C10orf90: variants seen among roughly 807,000 people sequenced by gnomAD.
C10orf90 encodes the protein chromosome 10 open reading frame 90.
Under a neutral mutation model 62.5 loss-of-function variants are expected in C10orf90, and 56 were observed. The observed-to-expected ratio is 0.90, with a 90% CI of 0.72 to 1.12. The LOEUF is 1.12. Ranked by LOEUF, C10orf90 falls within the 50% of genes most tolerant of loss-of-function variation. The probability of loss-of-function intolerance (pLI) is 0.00; values close to 1 mark genes in which losing one functional copy is unlikely to be tolerated. For missense variants in C10orf90, 970 were observed against 880.4 expected (o/e 1.10, Z -1.29); for synonymous variants, 386 against 340.4 (o/e 1.13, Z -1.47).
intron 7 of C10orf90, among the ~76,000 whole-genome samples, chr10:126,455,809 C>G (rs1177066288): frequency 6.6e-6 from 1 of 152,194 alleles, no homozygotes; most frequent in Non-Finnish European, 1.5e-5. Context: ...TAACACTCAC[C>G]CACATGCAGC....
At chr10:126,591,084 C>T (rs548051028) in intron 2 of C10orf90, among the ~76,000 whole-genome samples, 31 of 152,206 alleles carry the variant, frequency 2.0e-4, no homozygotes, top group Admixed American at 4.6e-4. Flanking sequence ...AGCCCAGGAC[C>T]AGATGGATTT....
At chr10:126,455,246 C>T (rs1229199930) in intron 7 of C10orf90, among the ~76,000 whole-genome samples, 1 of 152,188 alleles carries the variant, frequency 6.6e-6, no homozygotes, top group Non-Finnish European at 1.5e-5. Flanking sequence ...CCCGCCCATC[C>T]CCATTTTACC....
intron 2 of C10orf90, among the ~76,000 whole-genome samples, chr10:126,594,758 AG>A (rs1564885857): frequency 6.6e-6 from 1 of 150,814 alleles, no homozygotes; most frequent in Non-Finnish European, 1.5e-5. Context: ...GGGATCAGCC[AG>A]GGCAGAGGTC....
rs774322346 is a variant in C10orf90, at chr10:126,458,990, A to AC, written c.2188+49dup. ...CTGAGTGAAGCCTCCAGCTCCAGGA[A>AC]CCCCCCATCCCTGGTCTTTTCCAGT... On this transcript the variant is annotated intron_variant, in intron 7 of 9. Coordinates refer to ENST00000488181, the MANE Select transcript of C10orf90 (RefSeq NM_001350921.2). The AC allele has an allele frequency of 1.9e-5, 30 of 1,564,336 alleles. No individual in the cohort carries two copies. In the East Asian group the frequency reaches 6.1e-4, roughly 32 times the overall value.
intron 7 of C10orf90, among the ~76,000 whole-genome samples, chr10:126,438,450 C>A (rs1858066503): frequency 1.3e-5 from 2 of 152,044 alleles, no homozygotes; most frequent in Admixed American, 1.3e-4. Flanking sequence ...CAGGATTAAA[C>A]AAATTTAAGG....
chr10:126,504,064 T>C lies in C10orf90; in HGVS notation c.1427A>G (p.Asn476Ser). The change falls in exon 4 of 10, where the codon AAC becomes AGC. Residue 476 changes from asparagine (N) to serine (S), a missense_variant. Physicochemically the swap from Asn to Ser is conservative, Grantham distance 46. Coordinates refer to ENST00000488181, the MANE Select transcript of C10orf90 (RefSeq NM_001350921.2). The surrounding 1 kb of genome is among the most constrained non-coding windows in gnomAD (Gnocchi z 4.1). ...ENTELANVGANQVTVRKGEKD... is the reference protein window; with the variant it reads ...ENTELANVGASQVTVRKGEKD... ...TTCCCCTTTTCTTACAGTGACTTGGTTAGCTCCCACATTTGCCAATTCTGT... is the reference window on the plus strand; with the variant it reads ...TTCCCCTTTTCTTACAGTGACTTGGCTAGCTCCCACATTTGCCAATTCTGT... 1.9e-6 allele frequency: 3 copies of C among 1,614,146 alleles called. No homozygotes were observed. The South Asian group carries it at 3.3e-5, about 18-fold the overall frequency.
intron 2 of C10orf90, among the ~76,000 whole-genome samples, chr10:126,580,556 G>A (rs1418083340): frequency 8.6e-5 from 13 of 151,986 alleles, no homozygotes; most frequent in African/African-American, 3.1e-4. Flanking sequence ...GGGAGGCTGA[G>A]GCAGGAGAAT....
intron 2 of C10orf90, among the ~76,000 whole-genome samples, chr10:126,571,514 A>G (rs1438163804): frequency 1.3e-5 from 2 of 152,186 alleles, no homozygotes; most frequent in Non-Finnish European, 2.9e-5. Context: ...TGCACCCTGG[A>G]AGGATGCAGA....
At chr10:126,451,184 A>C (rs528602164) in intron 7 of C10orf90, among the ~76,000 whole-genome samples, 1 of 152,234 alleles carries the variant, frequency 6.6e-6, no homozygotes, top group Non-Finnish European at 1.5e-5. Flanking sequence ...AAGACAAACT[A>C]TAACAAGTGT....
At chr10:126,534,072 C>T (rs1021408066) in intron 2 of C10orf90, among the ~76,000 whole-genome samples, 2 of 152,336 alleles carry the variant, frequency 1.3e-5, no homozygotes, top group Admixed American at 6.5e-5. Flanking sequence ...AAGGAGGAAT[C>T]TGCTCTTCCC....
At chr10:126,494,627 G>T (rs1861943193) in intron 4 of C10orf90, among the ~76,000 whole-genome samples, 1 of 152,206 alleles carries the variant, frequency 6.6e-6, no homozygotes, top group African/African-American at 2.4e-5. Flanking sequence ...GCATAGTTCT[G>T]CAAGAGACCG....
At chr10:126,521,049 C>G (rs560330080) in intron 2 of C10orf90, among the ~76,000 whole-genome samples, 30 of 152,320 alleles carry the variant, frequency 2.0e-4, no homozygotes, top group Non-Finnish European at 3.8e-4. Context: ...TTTTTCAGAA[C>G]ACTATTCAGC....
At chr10:126,464,364 C>T (rs1019512715) in intron 5 of C10orf90, among the ~76,000 whole-genome samples, 2 of 152,190 alleles carry the variant, frequency 1.3e-5, no homozygotes, top group African/African-American at 4.8e-5. Flanking sequence ...CTGCTGCCTT[C>T]AGAGCAGCCA....
intron 1 of C10orf90, among the ~76,000 whole-genome samples, chr10:126,667,618 A>C (rs1434341204): frequency 6.6e-6 from 1 of 152,132 alleles, no homozygotes; most frequent in Non-Finnish European, 1.5e-5. Flanking sequence ...TTACATTCAC[A>C]CCATAGGAGA....
At chr10:126,585,549 G>A (rs1056230883) in intron 2 of C10orf90, among the ~76,000 whole-genome samples, 1 of 134,062 alleles carries the variant, frequency 7.5e-6, no homozygotes, top group Non-Finnish European at 1.6e-5. Flanking sequence ...GAGGGAGAAA[G>A]GGTGGGAGAG....
chr10:126,665,204 C>T (rs1426436922), intron 1 of C10orf90, among the ~76,000 whole-genome samples: 1 of 152,146 alleles, frequency 6.6e-6, no homozygotes, highest in East Asian at 1.9e-4. Context: ...TCACTGCAGT[C>T]AGAGCCATAA....
intron 7 of C10orf90, among the ~76,000 whole-genome samples, chr10:126,452,344 A>T (rs764447636): frequency 1.9e-4 from 29 of 152,186 alleles, no homozygotes; most frequent in Admixed American, 7.2e-4. Flanking sequence ...CAAGTCTGAT[A>T]GTGTAACTTC....
chr10:126,426,345 C>T (rs1017046873), intron 8 of C10orf90, among the ~76,000 whole-genome samples: 5 of 152,254 alleles, frequency 3.3e-5, no homozygotes, highest in African/African-American at 1.2e-4. Flanking sequence ...AGGGGCAAAG[C>T]TGGAGAGGCC....
chr10:126,437,304 G>A (rs985511933), intron 7 of C10orf90, among the ~76,000 whole-genome samples: 7 of 152,190 alleles, frequency 4.6e-5, no homozygotes, highest in Admixed American at 1.3e-4. Context: ...GTGGCTTCCA[G>A]TTACCTTCCA....
Sources: allele counts gnomAD v4.1 joint callset (sites outside exome capture counted in the v4.1 genomes callset), GRCh38; gene constraint gnomAD v4.1.1; non-coding constraint Gnocchi (gnomAD v3.1); transcripts MANE v1.5; gene names NCBI Gene and HGNC (gene_info 2026-07-23, HGNC 2026-07-21).